Variants in ARMCX4 observed in about 807,000 individuals in gnomAD.
ARMCX4 encodes the protein armadillo repeat containing X-linked 4, also known as armadillo repeat-containing X-linked protein 4.
ARMCX4 carries 3 observed loss-of-function variants against 34.7 expected under a neutral mutation model. That is an observed-to-expected ratio of 0.09 (90% confidence interval 0.04 to 0.22). The LOEUF (loss-of-function observed/expected upper bound fraction) is 0.22. Among genes scored for constraint, ARMCX4 ranks in the 10% least tolerant of loss-of-function variants. The pLI is 1.00. For synonymous variants in ARMCX4, 513 were observed against 632.8 expected (o/e 0.81, Z 2.84); for missense variants, 1,448 against 1,720.8 (o/e 0.84, Z 2.81).
intron 4 of ARMCX4, among the ~76,000 whole-genome samples, chrX:101,457,367 T>G (rs781882858): frequency 5.4e-5 from 6 of 111,960 alleles, no homozygotes; most frequent in Middle Eastern, 4.2e-3. Flanking sequence ...ATAGCCTAGA[T>G]TCATTATTTC....
At chrX:101,470,297 A>G (rs1556002757) in intron 4 of ARMCX4, among the ~76,000 whole-genome samples, 1 of 109,278 alleles carries the variant, frequency 9.2e-6, no homozygotes, top group Non-Finnish European at 1.9e-5. Context: ...TTCACTCAGC[A>G]TACTGGCTTT....
downstream of ARMCX4, among the ~76,000 whole-genome samples, chrX:101,448,912 CTTTTT>C (rs3060590): frequency 7.0e-5 from 5 of 71,821 alleles, no homozygotes; most frequent in Non-Finnish European, 7.6e-5. Flanking sequence ...CTTTTCTTTC[CTTTTT>C]TTTTTTTTTT....
At chrX:101,471,783 C>T (rs1932919113) in intron 4 of ARMCX4, among the ~76,000 whole-genome samples, 1 of 111,177 alleles carries the variant, frequency 9.0e-6, no homozygotes, top group Non-Finnish European at 1.9e-5. Context: ...ACAGAAAGGA[C>T]ATCCACACCA....
At chrX:101,496,288 A>T (rs1205682640), downstream of ARMCX4, among the ~76,000 whole-genome samples, 1 of 110,433 alleles carries the variant, frequency 9.1e-6, no homozygotes, top group East Asian at 2.9e-4. Context: ...CGAAAGGAAA[A>T]TGATATGGTA....
At chrX:101,440,564 C>A (rs1282238054) in intron 2 of ARMCX4, among the ~76,000 whole-genome samples, 14 of 111,792 alleles carry the variant, frequency 1.3e-4, no homozygotes, top group African/African-American at 3.9e-4. Context: ...TATGTCCTGC[C>A]CCCAGAGGTG....
intron 4 of ARMCX4, among the ~76,000 whole-genome samples, chrX:101,469,039 G>A (rs1213770750): frequency 4.5e-5 from 5 of 111,920 alleles, no homozygotes; most frequent in African/African-American, 1.6e-4. Flanking sequence ...ACTAAATACA[G>A]CCCTTCTGCA....
At chrX:101,434,754 C>A (rs1298462043) in intron 2 of ARMCX4, among the ~76,000 whole-genome samples, 1 of 108,163 alleles carries the variant, frequency 9.2e-6, no homozygotes. Context: ...ATCATTTAAC[C>A]TTAGGTATAT....
chrX:101,475,226 G>T (rs1447206024), intron 4 of ARMCX4, among the ~76,000 whole-genome samples: 3 of 110,684 alleles, frequency 2.7e-5, no homozygotes, highest in African/African-American at 9.9e-5. Context: ...GAGGTGGGAG[G>T]ATCCTTGAGC....
chrX:101,518,515 A>G (rs1934787956), intron 11 of ARMCX4, among the ~76,000 whole-genome samples: 1 of 111,341 alleles, frequency 9.0e-6, no homozygotes, highest in Non-Finnish European at 1.9e-5. Flanking sequence ...GAAAAGAAAA[A>G]CTAAAAGGAG....
At chrX:101,522,335 A>G (rs1934872036) in intron 11 of ARMCX4, among the ~76,000 whole-genome samples, 1 of 111,527 alleles carries the variant, frequency 9.0e-6, no homozygotes, top group South Asian at 3.7e-4. Context: ...AACTGTTTGC[A>G]TGGTATATCT....
Position 101,494,247 on chromosome X carries a change from G to A in ARMCX4, c.5658G>A (p.Glu1886=). The part of the protein sequence containing the change: ...WTLARNVGED[E]LSRESSPDIE... The stretch of plus-strand genomic sequence containing the variant: ...TGGCTAGGAATGTGGGAGAGGATGA[G>A]CTAAGTAGAGAGTCCAGCCCTGATA... Residue 1886 remains glutamate, a synonymous_variant, in exon 6 of 6, where the codon GAG becomes GAA. Transcript: ENST00000423738. The A allele has an allele frequency of 8.7e-7, 1 of 1,154,605 alleles. No homozygotes were observed. The highest frequency in any genetic ancestry group is 1.1e-6 in the Non-Finnish European group (1 of 871,942).
chrX:101,461,545 C>G (rs193295355), intron 4 of ARMCX4, among the ~76,000 whole-genome samples: 410 of 111,929 alleles, frequency 3.7e-3, no homozygotes, highest in Non-Finnish European at 6.3e-3. Context: ...ATGTTCAAGT[C>G]TCTGTTTCAT....
intron 11 of ARMCX4, among the ~76,000 whole-genome samples, chrX:101,526,328 T>C (rs1365497610): frequency 9.0e-6 from 1 of 111,616 alleles, no homozygotes; most frequent in East Asian, 2.8e-4. Flanking sequence ...GAGCTCCTGA[T>C]GGAAGCACTA....
rs1272755805 is a variant in ARMCX4, at chrX:101,491,086, G to A, written c.2497G>A (p.Val833Met). The A allele has an allele frequency of 1.5e-5, 17 of 1,154,870 alleles. No individual in the cohort carries two copies. The highest frequency in any genetic ancestry group is 2.3e-4 in the Middle Eastern group (1 of 4,326). The stretch of plus-strand genomic sequence containing the variant: ...AAGGGGCTCTGCCCAGCCCCAGGCT[G>A]TGGCCAATTCCCAGGGTGAAGTCTT... ...DTRGSAQPQA[V>M]ANSQGEVLPG... Residue 833 changes from valine to methionine, a missense_variant, in exon 6 of 6, where the codon GTG becomes ATG. By Grantham distance (21) the Val-to-Met change is conservative. Transcript: ENST00000423738.
rs782058742 is a variant in ARMCX4 at position 101,432,531 on chromosome X, C to T, written n.165-11521C>T. Among the ~76,000 whole-genome samples, 11 of 109,504 alleles carry T rather than the reference C, an allele frequency of 1.0e-4. No homozygotes were observed. The East Asian group carries it at 2.6e-3, about 26-fold the overall frequency. On this transcript the variant is annotated intron_variant and non_coding_transcript_variant, in intron 2 of 3. Transcript: ENST00000430461. ...CAGAAATTAGCCAGGTGTGGTAGTG[C>T]TCGCCTGTAGTCCTAGCTACTCGGG...
At chrX:101,422,838 A>G (rs4986643) in intron 2 of ARMCX4, among the ~76,000 whole-genome samples, 7,133 of 111,223 alleles carry the variant, frequency 0.064, 226 homozygotes, top group South Asian at 0.28. Flanking sequence ...TCACTGTCAT[A>G]ATTTCCTCAG....
chrX:101,458,707 G>A (rs1603161554), intron 4 of ARMCX4, among the ~76,000 whole-genome samples: 1 of 110,357 alleles, frequency 9.1e-6, no homozygotes, highest in South Asian at 3.9e-4. Flanking sequence ...GGCTGGTCTC[G>A]AACTCCTGAA....
At chrX:101,523,387 A>G (rs1934895254) in intron 11 of ARMCX4, among the ~76,000 whole-genome samples, 1 of 112,082 alleles carries the variant, frequency 8.9e-6, no homozygotes, top group South Asian at 3.7e-4. Context: ...ATGTAAATTC[A>G]CTGAACTATG....
chrX:101,503,040 G>T (rs1159834885), intron 7 of ARMCX4, among the ~76,000 whole-genome samples: 18 of 103,633 alleles, frequency 1.7e-4, no homozygotes, highest in Middle Eastern at 5.1e-3. Flanking sequence ...GCAGTGTTTG[G>T]TTTTTTGTCC....
Sources: allele counts gnomAD v4.1 joint callset (sites outside exome capture counted in the v4.1 genomes callset), GRCh38; gene constraint gnomAD v4.1.1; transcripts MANE v1.5; gene names NCBI Gene and HGNC (gene_info 2026-07-23, HGNC 2026-07-21).